Variants in SAXO1 observed in about 807,000 individuals in gnomAD.
SAXO1 encodes 4930500O09Rik.
In SAXO1, 21 loss-of-function variants were observed where a neutral mutation model predicts 17.5. The ratio of observed to expected loss-of-function variants is 1.20; its 90% CI spans 0.85 to 1.72. The LOEUF is 1.72. SAXO1 is among the 40% of genes most tolerant of loss of function. SAXO1 has a pLI of 0.00. For missense variants in SAXO1, 843 were observed against 596.0 expected (o/e 1.41, Z -4.32); for synonymous variants, 274 against 216.5 (o/e 1.27, Z -2.33).
chr9:19,044,734 G>C (rs1375544734), intron 1 of SAXO1, among the ~76,000 whole-genome samples: 1 of 151,856 alleles, frequency 6.6e-6, no homozygotes, highest in African/African-American at 2.4e-5. Flanking sequence ...GTGGTGGCGG[G>C]CGCCTGTAGT....
At chr9:18,948,186 C>T (rs1039286614) in intron 2 of SAXO1, among the ~76,000 whole-genome samples, 2 of 152,172 alleles carry the variant, frequency 1.3e-5, no homozygotes, top group Admixed American at 1.3e-4. Context: ...TGGTAGCTTC[C>T]CTACATTTCC....
chr9:18,930,937 G>A (rs4977470), intron 3 of SAXO1, among the ~76,000 whole-genome samples: 130,973 of 152,230 alleles, frequency 0.86, 56,537 homozygotes, highest in African/African-American at 0.92. Flanking sequence ...ACTGCTGTAC[G>A]AAAGGTTAGA....
intron 1 of SAXO1, among the ~76,000 whole-genome samples, chr9:19,023,790 AG>A (rs1835350428): frequency 6.1e-5 from 1 of 16,450 alleles, no homozygotes; most frequent in African/African-American, 5.8e-4. Flanking sequence ...GAAGGAAGGA[AG>A]GGAGGGAGGA....
At chr9:18,935,139 C>T (rs1462972339) in intron 3 of SAXO1, among the ~76,000 whole-genome samples, 1 of 151,984 alleles carries the variant, frequency 6.6e-6, no homozygotes, top group Non-Finnish European at 1.5e-5. Flanking sequence ...AATACAAAAC[C>T]TCCTGACCCC....
intron 1 of SAXO1, among the ~76,000 whole-genome samples, chr9:19,022,280 C>G (rs369329260): frequency 6.6e-6 from 1 of 152,212 alleles, no homozygotes; most frequent in African/African-American, 2.4e-5. Context: ...ATCTGAACAT[C>G]TGAAGGAACA....
intron 1 of SAXO1, among the ~76,000 whole-genome samples, chr9:18,975,118 TAA>T (rs1426667093): frequency 6.6e-6 from 1 of 151,966 alleles, no homozygotes; most frequent in Non-Finnish European, 1.5e-5. Flanking sequence ...TATGGAGAAA[TAA>T]GAGGCAAGAG....
chr9:19,000,569 CCCA>C (rs1400962187), intron 1 of SAXO1, among the ~76,000 whole-genome samples: 1 of 152,164 alleles, frequency 6.6e-6, no homozygotes, highest in African/African-American at 2.4e-5. Context: ...GCCCATACGC[CCCA>C]CCATCTGGGA....
At chr9:19,036,691 T>C (rs918579143), upstream of SAXO1, among the ~76,000 whole-genome samples, 1 of 152,066 alleles carries the variant, frequency 6.6e-6, no homozygotes, top group African/African-American at 2.4e-5. Flanking sequence ...TCAGAGGATA[T>C]ATGGAAATGC....
chr9:19,039,288 G>A (rs1014291169), intron 1 of SAXO1, among the ~76,000 whole-genome samples: 2 of 152,182 alleles, frequency 1.3e-5, no homozygotes, highest in Non-Finnish European at 2.9e-5. Context: ...CTGTTGCGCT[G>A]CTTTATTTAA....
chr9:18,942,238 G>A (rs1831594415), intron 2 of SAXO1, among the ~76,000 whole-genome samples: 2 of 152,222 alleles, frequency 1.3e-5, no homozygotes, highest in East Asian at 3.9e-4. Context: ...CTCTCTAAAT[G>A]GAAATCAGAT....
intron 1 of SAXO1, among the ~76,000 whole-genome samples, chr9:19,029,390 C>T (rs909956355): frequency 3.3e-5 from 5 of 152,154 alleles, no homozygotes; most frequent in East Asian, 3.8e-4. Flanking sequence ...TCAGGAACCC[C>T]GGTCTCCCCC....
chr9:18,955,939 C>CTTT (rs33993984), intron 1 of SAXO1, among the ~76,000 whole-genome samples: 1,841 of 149,050 alleles, frequency 0.012, 37 homozygotes, highest in African/African-American at 0.044. Context: ...TACTTTTAAA[C>CTTT]TTTTTTTTTT....
At chr9:19,012,712 G>GCT (rs34036605) in intron 1 of SAXO1, among the ~76,000 whole-genome samples, 81,823 of 151,762 alleles carry the variant, frequency 0.54, 22,763 homozygotes, top group Non-Finnish European at 0.62. Flanking sequence ...TTATATTTTG[G>GCT]CTTACTTTTA....
At position 18,958,649 on chromosome 9, in the gene SAXO1, T is replaced by C. The variant is rs1470036765; in HGVS notation, c.39-7712A>G. ...ATTAAGAGGCTACCACCAAGTTTAG[T>C]GAAAAAGACTACCTAGATCAATTAA... On this transcript the variant is annotated intron_variant, in intron 1 of 3. Transcript: ENST00000380534. Among the ~76,000 whole-genome samples the C allele has an allele frequency of 4.0e-5, 6 of 151,892 alleles. No individual in the cohort carries two copies. In the East Asian group the frequency reaches 1.2e-3, roughly 30 times the overall value.
chr9:19,019,020 A>C (rs1006114197), intron 1 of SAXO1, among the ~76,000 whole-genome samples: 20 of 152,100 alleles, frequency 1.3e-4, no homozygotes, highest in Non-Finnish European at 2.9e-5. Flanking sequence ...GAGGCAGGAT[A>C]ATCACTTGAA....
intron 1 of SAXO1, among the ~76,000 whole-genome samples, chr9:19,038,501 G>C (rs1421231349): frequency 6.7e-6 from 1 of 150,354 alleles, no homozygotes; most frequent in Non-Finnish European, 1.5e-5. Flanking sequence ...GTAAACTATT[G>C]CAAGGACAAA....
chr9:18,933,282 T>C (rs1224009899), intron 3 of SAXO1, among the ~76,000 whole-genome samples: 1 of 152,206 alleles, frequency 6.6e-6, no homozygotes, highest in African/African-American at 2.4e-5. Context: ...CAAGTGGCTT[T>C]TTTCTGTTAC....
At chr9:18,986,638 T>C (rs574618530) in intron 1 of SAXO1, among the ~76,000 whole-genome samples, 2 of 152,104 alleles carry the variant, frequency 1.3e-5, no homozygotes, top group Non-Finnish European at 2.9e-5. Flanking sequence ...CGGTTCCTCA[T>C]CATCGTGTCT....
chr9:18,927,978 T>C lies in SAXO1; in HGVS notation c.*74A>G, dbSNP rs1563920061. On this transcript the variant is annotated 3_prime_UTR_variant, in exon 4 of 4. Coordinates refer to ENST00000380534, the MANE Select transcript of SAXO1 (RefSeq NM_153707.4). Reference sequence around the variant, plus strand: ...TTTTTGTCATTTTAGGGAATTCTTTTTTGTCCAACAAATAATTCTCAGTTG... The same window carrying C: ...TTTTTGTCATTTTAGGGAATTCTTTCTTGTCCAACAAATAATTCTCAGTTG... 9.7e-6 allele frequency: 14 copies of C among 1,440,248 alleles called. No individual in the cohort carries two copies. In the Admixed American group the frequency reaches 3.3e-4, roughly 34 times the overall value. 89.2% of individuals were successfully genotyped at this position (1,440,248 alleles called of 1,614,324 possible).
Sources: gnomAD v4.1 joint callset for allele counts (sites outside exome capture counted in the v4.1 genomes callset) on GRCh38, gnomAD v4.1.1 for gene constraint, MANE v1.5 for transcripts, NCBI Gene and HGNC (gene_info 2026-07-23, HGNC 2026-07-21) for gene names.